GTF2F1: variants seen among roughly 807,000 people sequenced by gnomAD.
The protein encoded by GTF2F1 is general transcription factor IIF subunit 1, also known as general transcription factor IIF 74 kDa subunit.
GTF2F1 carries 39 observed loss-of-function variants against 63.5 expected under a neutral mutation model. The ratio of observed to expected loss-of-function variants is 0.61; its 90% CI spans 0.48 to 0.80. The LOEUF is 0.80. Ranked by LOEUF, GTF2F1 falls within the 30% of genes least tolerant of loss-of-function variation. The pLI, the probability that GTF2F1 is intolerant of heterozygous loss-of-function variation, is 0.00. For synonymous variants in GTF2F1, 287 were observed against 285.3 expected (o/e 1.01, Z -0.06); for missense variants, 657 against 718.3 (o/e 0.91, Z 0.97).
At chr19:6,392,060 T>C (rs2092001085) in intron 2 of GTF2F1, 86 bp from the exon 3 acceptor site, 1 of 725,264 alleles carries the variant, frequency 1.4e-6, no homozygotes, top group Non-Finnish European at 2.5e-6. Flanking sequence ...AACCATTAAT[T>C]CAATCAACCA....
At chr19:6,389,726 C>A in intron 3 of GTF2F1, 89 bp from the exon 4 acceptor site, 1 of 1,215,288 alleles carries the variant, frequency 8.2e-7, no homozygotes, top group Non-Finnish European at 1.2e-6. Context: ...TGCCCTAGGC[C>A]AAGCTCTAGA....
chr19:6,382,778 A>G (rs1355612757), intron 6 of GTF2F1, among the ~76,000 whole-genome samples: 6 of 139,676 alleles, frequency 4.3e-5, no homozygotes, highest in Non-Finnish European at 9.1e-5. Context: ...AGCCCATGTG[A>G]GAGAGAGAGA....
intron 2 of GTF2F1, chr19:6,392,236 C>A (rs944266169): frequency 1.9e-6 from 1 of 533,002 alleles, no homozygotes; most frequent in Non-Finnish European, 3.6e-6. Flanking sequence ...CCTGGCAACA[C>A]TGGATACGGA....
intron 3 of GTF2F1, among the ~76,000 whole-genome samples, chr19:6,391,679 C>CT (rs2091998814): frequency 6.6e-6 from 1 of 152,040 alleles, no homozygotes; most frequent in Admixed American, 6.6e-5. Context: ...TCTCAAACTC[C>CT]TGGCCTTAAG....
intron 4 of GTF2F1, among the ~76,000 whole-genome samples, chr19:6,388,905 C>T (rs1363110190): frequency 1.3e-5 from 2 of 152,090 alleles, no homozygotes; most frequent in Non-Finnish European, 2.9e-5. Context: ...ACGATCGCAC[C>T]ACTGCACTCC....
Position 6,381,678 on chromosome 19 carries a change from C to G in GTF2F1, c.836+19G>C, listed in dbSNP as rs778541739. ...GCGAGGCTGCATGGGGTCTCGCAGG[C>G]GCCTCCCGTCGGCCTCACCTGGAGC... On this transcript the variant is annotated intron_variant, in intron 7 of 12. Coordinates refer to ENST00000394456, the MANE Select transcript of GTF2F1 (RefSeq NM_002096.3). This position sits in a 1 kb window ranked among gnomAD's most constrained non-coding sequence, Gnocchi z 4.1. 9 of 1,614,082 alleles carry G rather than the reference C, an allele frequency of 5.6e-6. No homozygotes were observed. Among genetic ancestry groups the G allele is most frequent in the South Asian group, 5.5e-5 (5 of 91,082 alleles).
chr19:6,382,799 CA>C (rs1159505037), intron 6 of GTF2F1, among the ~76,000 whole-genome samples: 16,513 of 81,530 alleles, frequency 0.2, 1,721 homozygotes, highest in East Asian at 0.43. Context: ...GATCCTGTCT[CA>C]AAAAAAAAAA....
At chr19:6,384,302 G>GT (rs1325788892) in intron 5 of GTF2F1, among the ~76,000 whole-genome samples, 1 of 150,832 alleles carries the variant, frequency 6.6e-6, no homozygotes. Flanking sequence ...GAGGTCAGGA[G>GT]TTTGAGAACA....
intron 4 of GTF2F1, among the ~76,000 whole-genome samples, chr19:6,388,414 G>A (rs978288308): frequency 7.2e-5 from 11 of 152,314 alleles, no homozygotes; most frequent in Non-Finnish European, 1.5e-4. Flanking sequence ...AGCACATCCT[G>A]GCACCCACTG....
At chr19:6,386,081 A>C (rs1044134135) in intron 5 of GTF2F1, among the ~76,000 whole-genome samples, 1 of 151,452 alleles carries the variant, frequency 6.6e-6, no homozygotes, top group African/African-American at 2.4e-5. Flanking sequence ...GTCTCAAAAA[A>C]ACAAAACAAC....
At chr19:6,385,875 G>A (rs1438098956) in intron 5 of GTF2F1, among the ~76,000 whole-genome samples, 3 of 151,926 alleles carry the variant, frequency 2.0e-5, no homozygotes, top group South Asian at 2.1e-4. Flanking sequence ...CACGAGGTCA[G>A]GAGATCGAGA....
In GTF2F1 at chr19:6,383,511, A is replaced by AG. The variant is rs1432967094; in HGVS notation, c.498-17dup. The AG allele has an allele frequency of 3.7e-6, 6 of 1,608,630 alleles. No individual in the cohort carries two copies. The highest frequency in any genetic ancestry group is 2.7e-5 in the African/African-American group (2 of 74,880). ...CTTGTTCCTCCTGCGGGCCAGGCAC[A>AG]GGGGGGCTCATGCCGGGCCTGGCAC... On this transcript the variant is annotated splice_polypyrimidine_tract_variant and intron_variant, in intron 5 of 12. Coordinates refer to ENST00000394456, the MANE Select transcript of GTF2F1 (RefSeq NM_002096.3). This position sits in a 1 kb window ranked among gnomAD's most constrained non-coding sequence, Gnocchi z 4.5.
intron 5 of GTF2F1, among the ~76,000 whole-genome samples, chr19:6,386,329 A>G (rs1373656545): frequency 6.6e-6 from 1 of 151,846 alleles, no homozygotes; most frequent in African/African-American, 2.4e-5. Context: ...CGGAGGTTGC[A>G]GTGAGCTGAG....
Position 6,389,481 on chromosome 19 carries a change from G to C in GTF2F1, c.289C>G (p.Pro97Ala). 2.5e-6 allele frequency: 4 copies of C among 1,614,148 alleles called. No homozygotes were observed. Among genetic ancestry groups the C allele is most frequent in the Non-Finnish European group, 3.4e-6 (4 of 1,180,010 alleles). Residue 97 changes from proline (P) to alanine (A), a missense_variant, in exon 4 of 13, where the codon CCC becomes GCC. Physicochemically the swap from Pro to Ala is conservative, Grantham distance 27. Coordinates refer to ENST00000394456, the MANE Select transcript of GTF2F1 (RefSeq NM_002096.3). ...VLKEFRPEDQ[P>A]WLLRVNGKSG... ...TTGCCGTTGACCCGGAGCAGCCAGG[G>C]CTGGTCCTCGGGCCGGAACTCCTTG...
intron 2 of GTF2F1, 21 bp downstream of exon 2, chr19:6,392,836 G>A (rs750323127): frequency 9.9e-6 from 16 of 1,609,078 alleles, no homozygotes; most frequent in Admixed American, 3.3e-5. Flanking sequence ...AGAGGAGTGG[G>A]AGATGGGGCT....
chr19:6,392,769 CAGGGCCAGAAA>C, intron 2 of GTF2F1, 77 bp downstream of exon 2: 1 of 1,336,864 alleles, frequency 7.5e-7, no homozygotes, highest in Non-Finnish European at 1.1e-6. Context: ...GAACCACAGA[CAGGGCCAGAAA>C]TGGCTGGCTA....
chr19:6,389,664 C>G lies in GTF2F1; in HGVS notation c.133-27G>C. 3 of 1,605,332 alleles carry G rather than the reference C, an allele frequency of 1.9e-6. No individual in the cohort carries two copies. The Middle Eastern group carries it at 5.0e-4, about 265-fold the overall frequency. On this transcript the variant is annotated intron_variant, in intron 3 of 12. Transcript: ENST00000394456. ...TAGGGGAGCAGGAAGCAAAGCCTCT[C>G]AGGGTCCCTGGCTTTGCTTGCGCAG...
intron 5 of GTF2F1, among the ~76,000 whole-genome samples, chr19:6,386,401 C>T (rs200345254): frequency 8.4e-5 from 10 of 119,298 alleles, no homozygotes; most frequent in African/African-American, 3.3e-4. Flanking sequence ...AAAAAACACA[C>T]AAACAAACAA....
Position 6,380,929 on chromosome 19 carries a change from C to T in GTF2F1, c.1206G>A (p.Arg402=). The part of the protein sequence containing the change: ...AEGGSTSSTL[R]AAASKLEQGK... ...CTTGCTCGAGTTTGCTGGCAGCCGC[C>T]CGCAGGGTGGAGGAGGTGCTGCCAC... Residue 402 remains arginine (R), a synonymous_variant, in exon 11 of 13, where the codon CGG becomes CGA. Coordinates refer to ENST00000394456, the MANE Select transcript of GTF2F1 (RefSeq NM_002096.3). The surrounding 1 kb of genome is among the most constrained non-coding windows in gnomAD (Gnocchi z 5.3). The T allele has an allele frequency of 6.3e-7, 1 of 1,575,612 alleles. No individual in the cohort carries two copies. Among genetic ancestry groups the T allele is most frequent in the Non-Finnish European group, 8.6e-7 (1 of 1,162,226 alleles).
Sources: allele counts gnomAD v4.1 joint callset (sites outside exome capture counted in the v4.1 genomes callset), GRCh38; gene constraint gnomAD v4.1.1; non-coding constraint Gnocchi (gnomAD v3.1); transcripts MANE v1.5; gene names NCBI Gene and HGNC (gene_info 2026-07-23, HGNC 2026-07-21).